The following CECR2 variants were observed in gnomAD, a reference collection of about 807,000 sequenced individuals.
The protein encoded by CECR2 is chromatin remodeling regulator CECR2.
CECR2 carries 30 observed loss-of-function variants against 154.5 expected under a neutral mutation model. The ratio of observed to expected loss-of-function variants is 0.19; its 90% CI spans 0.15 to 0.26. CECR2 has a LOEUF of 0.26. Among genes scored for constraint, CECR2 ranks in the 10% least tolerant of loss-of-function variants. The probability of loss-of-function intolerance (pLI) is 1.00; values close to 1 mark genes in which losing one functional copy is unlikely to be tolerated. For missense variants in CECR2, 1,743 were observed against 1,829.3 expected, an observed-to-expected ratio of 0.95 and a Z score of 0.86; for synonymous variants, 725 against 683.7, an observed-to-expected ratio of 1.06 and a Z score of -0.94.
chr22:17,468,689 A>AC (rs931651773), intron 1 of CECR2, among the ~76,000 whole-genome samples: 1 of 151,646 alleles, frequency 6.6e-6, no homozygotes, highest in African/African-American at 2.4e-5. Flanking sequence ...AAAACCAGCA[A>AC]CCCCCCGCCC....
intron 7 of CECR2, 92 bp downstream of exon 7, chr22:17,505,108 A>C: frequency 1.6e-6 from 2 of 1,245,702 alleles, no homozygotes; most frequent in Non-Finnish European, 2.2e-6. Context: ...CATACACCCC[A>C]CTGTCCTGGA....
intron 1 of CECR2, among the ~76,000 whole-genome samples, chr22:17,397,520 C>T (rs868159680): frequency 6.6e-5 from 10 of 151,950 alleles, no homozygotes; most frequent in Admixed American, 3.3e-4. Flanking sequence ...TTTTTTAAGA[C>T]GGAGTCTCAC....
intron 9 of CECR2, among the ~76,000 whole-genome samples, chr22:17,536,743 C>T (rs1226996433): frequency 1.3e-5 from 2 of 152,066 alleles, no homozygotes; most frequent in African/African-American, 4.8e-5. Context: ...TCAAGTAATC[C>T]GAGAAGATAG....
chr22:17,371,936 T>C (rs187233881), intron 1 of CECR2, among the ~76,000 whole-genome samples: 15 of 152,346 alleles, frequency 9.8e-5, no homozygotes, highest in Admixed American at 9.8e-4. Context: ...TTCTGAGAAT[T>C]AGCTGGTTTA....
Position 17,548,237 on chromosome 22 carries a change from C to G in CECR2, c.2950C>G (p.Pro984Ala). ...CACACAACTACCTCACCCCACACCTCCCCTGCAGACTGACTGCACCAGGCA... is the reference window on the plus strand; with the variant it reads ...CACACAACTACCTCACCCCACACCTGCCCTGCAGACTGACTGCACCAGGCA... ...YLTQLPHPTP[P>A]LQTDCTRQSS... is the part of the protein sequence containing the mutation. Residue 984 changes from proline (P) to alanine (A), a missense_variant, in exon 17 of 19, where the codon CCC (proline) becomes GCC (alanine). Physicochemically the swap from Pro to Ala is conservative, Grantham distance 27. Around this residue, in one of 4 missense-constraint regions of CECR2, gnomAD observed 1,250 missense variants for 1,192.1 expected, o/e 1.05. Transcript: ENST00000262608. 6.3e-7 allele frequency: 1 copy of G among 1,598,682 alleles called. No individual in the cohort carries two copies. Among genetic ancestry groups the G allele is most frequent in the Non-Finnish European group, 8.5e-7 (1 of 1,172,626 alleles).
chr22:17,378,175 G>A (rs12160713), intron 1 of CECR2, among the ~76,000 whole-genome samples: 1 of 151,360 alleles, frequency 6.6e-6, no homozygotes, highest in Non-Finnish European at 1.5e-5. Context: ...AGTAGAGACG[G>A]GGTTTCACCG....
intron 2 of CECR2, among the ~76,000 whole-genome samples, chr22:17,489,707 C>T (rs1217352935): frequency 4.6e-5 from 7 of 152,206 alleles, no homozygotes; most frequent in Non-Finnish European, 1.0e-4. Context: ...GTCCTCCAGC[C>T]TCAGCCTCCC....
intron 1 of CECR2, among the ~76,000 whole-genome samples, chr22:17,443,058 C>T (rs2054608215): frequency 6.6e-6 from 1 of 152,208 alleles, no homozygotes; most frequent in African/African-American, 2.4e-5. Context: ...GCTGTCCAGT[C>T]TGCCAGTGGT....
chr22:17,526,117 G>T (rs1163490956), intron 9 of CECR2, among the ~76,000 whole-genome samples: 1 of 151,920 alleles, frequency 6.6e-6, no homozygotes, highest in Admixed American at 6.6e-5. Context: ...ATGTCTACCA[G>T]AATACCAATG....
At chr22:17,524,683 T>C (rs1357065295) in intron 9 of CECR2, among the ~76,000 whole-genome samples, 15 of 125,692 alleles carry the variant, frequency 1.2e-4, no homozygotes, top group South Asian at 1.1e-3. Context: ...TGAGCCACCA[T>C]GCCTGGCCCT....
intron 1 of CECR2, among the ~76,000 whole-genome samples, chr22:17,473,433 A>T (rs574104271): frequency 6.6e-6 from 1 of 152,230 alleles, no homozygotes. Context: ...TGAAACCTTA[A>T]GTGGTAAAGC....
intron 1 of CECR2, among the ~76,000 whole-genome samples, chr22:17,441,839 A>G (rs537093009): frequency 7.2e-5 from 11 of 152,392 alleles, no homozygotes; most frequent in Admixed American, 5.2e-4. Flanking sequence ...ATTAAGATGT[A>G]TAACTCACCT....
At chr22:17,365,529 C>T (rs1348817896), upstream of CECR2, among the ~76,000 whole-genome samples, 1 of 151,640 alleles carries the variant, frequency 6.6e-6, no homozygotes, top group Non-Finnish European at 1.5e-5. Context: ...CCCGTCTCTA[C>T]TAAAAATACA....
chr22:17,508,553 C>A (rs189408230), intron 7 of CECR2, among the ~76,000 whole-genome samples: 1 of 151,968 alleles, frequency 6.6e-6, no homozygotes, highest in East Asian at 1.9e-4. Context: ...TCGGCCCTAC[C>A]ATCTAGGGTT....
At chr22:17,367,996 C>G (rs2063011676), upstream of CECR2, among the ~76,000 whole-genome samples, 2 of 152,092 alleles carry the variant, frequency 1.3e-5, no homozygotes, top group Non-Finnish European at 2.9e-5. Flanking sequence ...AAGAGCAGAA[C>G]TTTGGGTTGT....
intron 1 of CECR2, among the ~76,000 whole-genome samples, chr22:17,375,813 G>C (rs1474704090): frequency 6.6e-6 from 1 of 152,042 alleles, no homozygotes; most frequent in Non-Finnish European, 1.5e-5. Context: ...AAATTAGCCA[G>C]GTATGGTGGT....
chr22:17,421,614 CAAAAAAA>C lies in CECR2; in HGVS notation c.126+51728_126+51734del, dbSNP rs34156323. ...TGGGCGACAGAGCGAGACTCCGTCTCAAAAAAAAAAAAAAAAAAAAAAAAAAAAATTA... is the reference window on the plus strand; with the variant it reads ...TGGGCGACAGAGCGAGACTCCGTCTCAAAAAAAAAAAAAAAAAAAAAATTA... On this transcript the variant is annotated intron_variant, in intron 1 of 18. Transcript: ENST00000262608. 1.2e-3 allele frequency among the ~76,000 whole-genome samples: 29 copies of C among 23,374 alleles called. No individual in the cohort carries two copies. The East Asian group carries it at 0.049, about 39-fold the overall frequency. The allele number at this position is 23,374 out of a possible 152,430, so 15.3% of individuals were successfully genotyped here.
At chr22:17,429,785 G>T (rs143713104) in intron 1 of CECR2, among the ~76,000 whole-genome samples, 46 of 152,294 alleles carry the variant, frequency 3.0e-4, no homozygotes, top group African/African-American at 1.0e-3. Context: ...ATAACAGGGA[G>T]AAGCAGAGAA....
chr22:17,434,649 C>A (rs118071716), intron 1 of CECR2, among the ~76,000 whole-genome samples: 1 of 150,976 alleles, frequency 6.6e-6, no homozygotes, highest in Admixed American at 6.6e-5. Flanking sequence ...CCCGCACCCC[C>A]CCTGCTGCTC....
Sources: gnomAD v4.1 joint callset for allele counts (sites outside exome capture counted in the v4.1 genomes callset) on GRCh38, gnomAD v4.1.1 for gene constraint, gnomAD v4.1.1 regional missense constraint, MANE v1.5 for transcripts, NCBI Gene and HGNC (gene_info 2026-07-23, HGNC 2026-07-21) for gene names.